KIF13A: variants seen among roughly 807,000 people sequenced by gnomAD.
KIF13A encodes kinesin family member 13A.
KIF13A carries 79 observed loss-of-function variants against 212.2 expected under a neutral mutation model. That is an observed-to-expected ratio of 0.37 (90% CI 0.31 to 0.45). KIF13A has a LOEUF of 0.45. Among genes scored for constraint, KIF13A ranks in the 20% least tolerant of loss-of-function variants. The probability of loss-of-function intolerance (pLI) is 1.00; values close to 1 mark genes in which losing one functional copy is unlikely to be tolerated. For synonymous variants in KIF13A, 789 were observed against 808.6 expected (o/e 0.98, Z 0.41); for missense variants, 1,901 against 2,209.0 (o/e 0.86, Z 2.79).
At chr6:17,800,661 C>T (rs1280583978) in intron 20 of KIF13A, among the ~76,000 whole-genome samples, 5 of 150,234 alleles carry the variant, frequency 3.3e-5, no homozygotes. Flanking sequence ...AGTGCAGTGG[C>T]GTGATCTCGG....
intron 2 of KIF13A, among the ~76,000 whole-genome samples, chr6:17,922,713 T>C (rs981366364): frequency 6.6e-6 from 1 of 151,996 alleles, no homozygotes; most frequent in Admixed American, 6.6e-5. Context: ...ATGGGTTATC[T>C]GTGTTTTCAG....
At chr6:17,833,829 C>A in intron 12 of KIF13A, 132 bp downstream of exon 12, 1 of 493,974 alleles carries the variant, frequency 2.0e-6, no homozygotes, top group Non-Finnish European at 3.4e-6. Flanking sequence ...GCACCCCAGC[C>A]TGGGCGACAG....
chr6:17,952,990 A>T (rs1778011977), intron 2 of KIF13A, among the ~76,000 whole-genome samples: 1 of 151,714 alleles, frequency 6.6e-6, no homozygotes, highest in East Asian at 1.9e-4. Context: ...AGAAGAGAGG[A>T]CCGGAGGGGA....
rs966708807 is a variant in KIF13A, at chr6:17,787,379, G to A, written c.3361+397C>T. 6.6e-6 allele frequency among the ~76,000 whole-genome samples: 1 copy of A among 152,126 alleles called. No homozygotes were observed. The highest frequency in any genetic ancestry group is 6.6e-5 in the Admixed American group (1 of 15,264). On this transcript the variant is annotated intron_variant, in intron 27 of 38. Coordinates refer to ENST00000259711, the MANE Select transcript of KIF13A (RefSeq NM_022113.6). This position sits in a 1 kb window ranked among gnomAD's most constrained non-coding sequence, Gnocchi z 4.6. ...GTTCACAAAACTAAACAGGCTGGGC[G>A]CAGTGGCTAACACCTGCAATTCCAG... is the stretch of plus-strand genomic sequence containing the variant.
chr6:17,780,937 AACAAG>A, intron 30 of KIF13A, 31 bp from the exon 31 acceptor site: 1 of 1,595,344 alleles, frequency 6.3e-7, no homozygotes, highest in African/African-American at 1.3e-5. Context: ...AGGAGATGGA[AACAAG>A]ACAAAAGTCA....
intron 2 of KIF13A, among the ~76,000 whole-genome samples, chr6:17,929,059 CAA>C (rs375511285): frequency 2.7e-5 from 1 of 36,682 alleles, no homozygotes; most frequent in African/African-American, 7.6e-5. Flanking sequence ...AAGAATTTCT[CAA>C]AAAAAAAAAA....
rs1026888989 is a variant in KIF13A, at chr6:17,902,126, T to C, written c.147-3946A>G. On this transcript the variant is annotated intron_variant, in intron 2 of 38. Coordinates refer to ENST00000259711, the MANE Select transcript of KIF13A (RefSeq NM_022113.6). Reference sequence around the variant, plus strand: ...AGGCAATGATTTTGTTCAGTAAATATCTAGTGAACCAAAAAAGAACATCCC... The same window carrying C: ...AGGCAATGATTTTGTTCAGTAAATACCTAGTGAACCAAAAAAGAACATCCC... Among the ~76,000 whole-genome samples, 5 of 152,348 alleles carry C rather than the reference T, an allele frequency of 3.3e-5. No homozygotes were observed. In the Middle Eastern group the frequency reaches 0.014, roughly 415 times the overall value.
At chr6:17,910,100 T>C (rs1773905967) in intron 2 of KIF13A, among the ~76,000 whole-genome samples, 1 of 152,192 alleles carries the variant, frequency 6.6e-6, no homozygotes, top group Non-Finnish European at 1.5e-5. Context: ...TACAGCTCCA[T>C]GACAGTGAAA....
chr6:17,824,640 G>C (rs1412562978), intron 16 of KIF13A, among the ~76,000 whole-genome samples: 1 of 151,582 alleles, frequency 6.6e-6, no homozygotes, highest in East Asian at 2.0e-4. Flanking sequence ...GGGCGCCTGT[G>C]GTCCCAGCTA....
Position 17,892,923 on chromosome 6 carries a change from T to G in KIF13A, c.159+5245A>C, listed in dbSNP as rs1772192432. The stretch of plus-strand genomic sequence containing the variant: ...TTCTGTGAGCCATTCTAGCAAATTA[T>G]GGAACCTGAGGAGGGGGACACGGGA... On this transcript the variant is annotated intron_variant, in intron 3 of 38. Coordinates refer to ENST00000259711, the MANE Select transcript of KIF13A (RefSeq NM_022113.6). The surrounding 1 kb of genome is among the most constrained non-coding windows in gnomAD (Gnocchi z 4.7). Among the ~76,000 whole-genome samples, 1 of 152,218 alleles carries G rather than the reference T, an allele frequency of 6.6e-6. No homozygotes were observed. Among genetic ancestry groups the G allele is most frequent in the South Asian group, 2.1e-4 (1 of 4,834 alleles).
At chr6:17,940,595 C>T (rs945881810) in intron 2 of KIF13A, among the ~76,000 whole-genome samples, 45 of 152,086 alleles carry the variant, frequency 3.0e-4, no homozygotes, top group African/African-American at 1.1e-3. Flanking sequence ...TTCCCCTTAC[C>T]AGACCAGTGA....
At chr6:17,942,554 A>G (rs1019644465) in intron 2 of KIF13A, among the ~76,000 whole-genome samples, 2 of 152,206 alleles carry the variant, frequency 1.3e-5, no homozygotes, top group Admixed American at 6.5e-5. Context: ...AATACATTTC[A>G]TAACAGACAC....
In KIF13A at chr6:17,816,066, C is replaced by T. The variant is rs559502887; in HGVS notation, c.2000+954G>A. Among the ~76,000 whole-genome samples the T allele has an allele frequency of 7.2e-5, 11 of 152,082 alleles. No individual in the cohort carries two copies. Among genetic ancestry groups the T allele is most frequent in the Admixed American group, 1.3e-4 (2 of 15,282 alleles). ...GGGATTACAGGCGCCTGCCACCATG[C>T]GCTGCTATTTTTTCTTTTTTTTCTG... is the stretch of plus-strand genomic sequence containing the variant. On this transcript the variant is annotated intron_variant, in intron 17 of 38. Transcript: ENST00000259711. The surrounding 1 kb of genome is among the most constrained non-coding windows in gnomAD (Gnocchi z 4.3).
At chr6:17,972,427 C>G (rs1304634707) in intron 2 of KIF13A, among the ~76,000 whole-genome samples, 2 of 152,222 alleles carry the variant, frequency 1.3e-5, no homozygotes, top group Non-Finnish European at 2.9e-5. Flanking sequence ...GCAAGCTCAG[C>G]TATAAATCTT....
rs1475871704 is a variant in KIF13A, at chr6:17,926,442, A to G, written c.147-28262T>C. On this transcript the variant is annotated intron_variant, in intron 2 of 38. Coordinates refer to ENST00000259711, the MANE Select transcript of KIF13A (RefSeq NM_022113.6). This position sits in a 1 kb window ranked among gnomAD's most constrained non-coding sequence, Gnocchi z 4.3. ...GAGATGGTGTTTTGCCATGTTGGCC[A>G]GGCTGGTCTTGAACTCCAGCCTCAA... 6.6e-6 allele frequency among the ~76,000 whole-genome samples: 1 copy of G among 152,166 alleles called. No homozygotes were observed. Among genetic ancestry groups the G allele is most frequent in the African/African-American group, 2.4e-5 (1 of 41,444 alleles).
rs755200993 is a variant in KIF13A at position 17,942,997 on chromosome 6, C to CAAAAACA, written c.146+44050_146+44056dup. On this transcript the variant is annotated intron_variant, in intron 2 of 38. Coordinates refer to ENST00000259711, the MANE Select transcript of KIF13A (RefSeq NM_022113.6). ...CTGTCTCAAAAAACAAAAACAAAAA[C>CAAAAACA]AAAAACAAAAAACAAAAAAAAGAGT... Among the ~76,000 whole-genome samples, 105 of 151,584 alleles carry CAAAAACA rather than the reference C, an allele frequency of 6.9e-4. 3 individuals carry two copies. The highest frequency in any genetic ancestry group is 1.5e-4 in the Non-Finnish European group (10 of 67,860).
At chr6:17,796,845 A>C in intron 22 of KIF13A, 25 bp from the exon 23 acceptor site, 4 of 1,443,692 alleles carry the variant, frequency 2.8e-6, no homozygotes, top group Non-Finnish European at 3.7e-6. Context: ...GGAAAGCAAA[A>C]GAATTATGCT....
At chr6:17,822,040 C>A in intron 16 of KIF13A, 48 of 615,816 alleles carry the variant, frequency 7.8e-5, no homozygotes, top group Non-Finnish European at 1.0e-4. Flanking sequence ...GGAAACATAA[C>A]TTCTTTTTTT....
intron 17 of KIF13A, among the ~76,000 whole-genome samples, chr6:17,814,611 A>G (rs6940805): frequency 0.99 from 150,003 of 152,246 alleles, 73,933 homozygotes; most frequent in Middle Eastern, 1. Flanking sequence ...ACTGCAGAGA[A>G]AACTGGGTTC....
Sources: gnomAD v4.1 joint callset for allele counts (sites outside exome capture counted in the v4.1 genomes callset) on GRCh38, gnomAD v4.1.1 for gene constraint, Gnocchi (gnomAD v3.1) non-coding constraint, MANE v1.5 for transcripts, NCBI Gene and HGNC (gene_info 2026-07-23, HGNC 2026-07-21) for gene names.